TTC29: variants seen among roughly 807,000 people sequenced by gnomAD.
The protein encoded by TTC29 is tetratricopeptide repeat domain 29, also known as tetratricopeptide repeat protein 29.
In TTC29, 49 loss-of-function variants were observed where a neutral mutation model predicts 58.1. That is an observed-to-expected ratio of 0.84 (90% CI 0.67 to 1.07). The LOEUF is 1.07. TTC29 is among the 50% of genes least tolerant of loss of function. TTC29 has a pLI of 0.00. For synonymous variants in TTC29, 209 were observed against 196.8 expected (o/e 1.06, Z -0.52); for missense variants, 582 against 555.6 (o/e 1.05, Z -0.48).
chr4:146,757,833 C>A lies in TTC29; in HGVS notation c.1330+45624G>T, dbSNP rs377007075. On this transcript the variant is annotated intron_variant, in intron 11 of 12. Transcript: ENST00000325106. ...AAGAGCTCTAAATCTTGAAACAAAT[C>A]CTGGAAACACATCAAAATAAAACCT... is the stretch of plus-strand genomic sequence containing the variant. 5.3e-5 allele frequency among the ~76,000 whole-genome samples: 8 copies of A among 152,124 alleles called. No homozygotes were observed. The East Asian group carries it at 1.5e-3, about 29-fold the overall frequency.
At chr4:146,895,781 T>C (rs1732727567) in intron 6 of TTC29, among the ~76,000 whole-genome samples, 1 of 152,186 alleles carries the variant, frequency 6.6e-6, no homozygotes, top group South Asian at 2.1e-4. Flanking sequence ...AGAGAGGATA[T>C]AATTATCCCT....
At chr4:146,734,542 C>T (rs1190774534) in intron 11 of TTC29, among the ~76,000 whole-genome samples, 3 of 152,048 alleles carry the variant, frequency 2.0e-5, no homozygotes, top group Middle Eastern at 3.2e-3. Flanking sequence ...CCAGGACTTG[C>T]GACAGGTGTC....
intron 11 of TTC29, among the ~76,000 whole-genome samples, chr4:146,777,306 AG>A (rs1748179246): frequency 6.6e-6 from 1 of 152,160 alleles, no homozygotes; most frequent in Non-Finnish European, 1.5e-5. Context: ...AAGCACAAAG[AG>A]TTGTATTGCC....
In TTC29 at chr4:146,742,967, A is replaced by C. The variant is rs193134016; in HGVS notation, c.1331-35416T>G. On this transcript the variant is annotated intron_variant, in intron 11 of 12. Transcript: ENST00000325106. The stretch of plus-strand genomic sequence containing the variant: ...AACAGAAAACGCAATGGAAAGAAAA[A>C]TCCTCAGATAGGACTTTTTAAAGCA... Among the ~76,000 whole-genome samples, 265 of 152,220 alleles carry C rather than the reference A, an allele frequency of 1.7e-3. 1 individual carries two copies. Among genetic ancestry groups the C allele is most frequent in the African/African-American group, 6.1e-3 (253 of 41,544 alleles).
chr4:146,834,554 G>A (rs1728381166), intron 8 of TTC29, among the ~76,000 whole-genome samples: 1 of 152,006 alleles, frequency 6.6e-6, no homozygotes, highest in African/African-American at 2.4e-5. Context: ...TGGCCCGAAG[G>A]AGAAAAATAC....
At chr4:146,918,344 A>T (rs147577710) in intron 4 of TTC29, among the ~76,000 whole-genome samples, 25 of 151,274 alleles carry the variant, frequency 1.7e-4, no homozygotes, top group African/African-American at 5.1e-4. Flanking sequence ...TCACTAATAT[A>T]ACTCAACGAA....
Position 146,912,016 on chromosome 4 carries a change from C to T in TTC29, c.177-2767G>A, listed in dbSNP as rs1000618150. ...CAAAGTCCTAGAAGTCAGAGGTGTC[C>T]AGTCTTTTGGCTTCTCTGGGCCACA... On this transcript the variant is annotated intron_variant, in intron 4 of 12. Transcript: ENST00000325106. 5.3e-5 allele frequency among the ~76,000 whole-genome samples: 8 copies of T among 152,144 alleles called. 1 individual carries two copies. The highest frequency in any genetic ancestry group is 1.9e-4 in the African/African-American group (8 of 41,432).
intron 10 of TTC29, among the ~76,000 whole-genome samples, chr4:146,818,691 CCAA>C (rs1477030109): frequency 3.9e-5 from 6 of 152,118 alleles, no homozygotes; most frequent in Admixed American, 3.9e-4. Flanking sequence ...ACCCAAATGT[CCAA>C]CAATGATAGA....
rs538632688 is a variant in TTC29, at chr4:146,916,850, G to A, written c.177-7601C>T. ...AACAGCAAAACATGTAGCTGTCTAT[G>A]AGATCAGTTAACAAATATTCAACTG... On this transcript the variant is annotated intron_variant, in intron 4 of 12. Coordinates refer to ENST00000325106, the MANE Select transcript of TTC29 (RefSeq NM_031956.4). Among the ~76,000 whole-genome samples the A allele has an allele frequency of 2.0e-5, 3 of 151,510 alleles. No individual in the cohort carries two copies. In the East Asian group the frequency reaches 5.8e-4, roughly 29 times the overall value.
Position 146,803,446 on chromosome 4 carries a change from C to A in TTC29, c.1330+11G>T. On this transcript the variant is annotated intron_variant, in intron 11 of 12. Transcript: ENST00000325106. Reference sequence around the variant, plus strand: ...ATGAAAACTAAAGTGTTCTAAAAACCAATGCCTTACCAGTAACTGGATCAG... The same window carrying A: ...ATGAAAACTAAAGTGTTCTAAAAACAAATGCCTTACCAGTAACTGGATCAG... 1.9e-6 allele frequency: 3 copies of A among 1,540,486 alleles called. No individual in the cohort carries two copies. The highest frequency in any genetic ancestry group is 2.4e-5 in the South Asian group (2 of 82,210).
chr4:146,894,849 A>C (rs991914869), intron 6 of TTC29, among the ~76,000 whole-genome samples: 1 of 151,820 alleles, frequency 6.6e-6, no homozygotes, highest in Non-Finnish European at 1.5e-5. Flanking sequence ...TTTTCCCCCA[A>C]CTTTTAAGTT....
At chr4:146,820,073 T>C in intron 10 of TTC29, 52 bp downstream of exon 10, 1 of 1,600,648 alleles carries the variant, frequency 6.2e-7, no homozygotes, top group Middle Eastern at 1.7e-4. Flanking sequence ...AATGGGAAAT[T>C]TCTCCCTAAA....
In TTC29 at chr4:146,925,771, C is replaced by T. The variant is rs116797532; in HGVS notation, c.176+11823G>A. ...GGAAATCTGAATCATGATTGCAGAA[C>T]AACTGAGTTCTGGTAGAACTGAACC... On this transcript the variant is annotated intron_variant, in intron 4 of 12. Coordinates refer to ENST00000325106, the MANE Select transcript of TTC29 (RefSeq NM_031956.4). 9.8e-3 allele frequency among the ~76,000 whole-genome samples: 1,484 copies of T among 152,190 alleles called. 29 individuals carry two copies. The highest frequency in any genetic ancestry group is 0.033 in the African/African-American group (1,380 of 41,530).
intron 6 of TTC29, 25 bp downstream of exon 6, chr4:146,903,519 G>C (rs1424974093): frequency 6.3e-7 from 1 of 1,578,550 alleles, no homozygotes; most frequent in Non-Finnish European, 8.6e-7. Flanking sequence ...ACATACCCAA[G>C]GCATCCTGGC....
At chr4:146,740,724 A>C (rs1382646707) in intron 11 of TTC29, among the ~76,000 whole-genome samples, 47 of 152,106 alleles carry the variant, frequency 3.1e-4, no homozygotes, top group Admixed American at 3.1e-3. Context: ...AATTTTTTTA[A>C]AATTTTTTAG....
At chr4:146,841,435 C>G (rs1728843937) in intron 8 of TTC29, among the ~76,000 whole-genome samples, 1 of 151,960 alleles carries the variant, frequency 6.6e-6, no homozygotes, top group Non-Finnish European at 1.5e-5. Context: ...CCTTAACTAC[C>G]ACTATTTCTG....
intron 6 of TTC29, among the ~76,000 whole-genome samples, chr4:146,884,365 C>A (rs1174707082): frequency 6.6e-6 from 1 of 152,010 alleles, no homozygotes; most frequent in Non-Finnish European, 1.5e-5. Flanking sequence ...CATATAGTGG[C>A]AGTGGGAAGT....
At chr4:146,837,667 A>T (rs1728600123) in intron 8 of TTC29, among the ~76,000 whole-genome samples, 1 of 152,052 alleles carries the variant, frequency 6.6e-6, no homozygotes, top group African/African-American at 2.4e-5. Flanking sequence ...AAGAAAATAC[A>T]GTGTGGCAAT....
At chr4:146,912,680 G>A (rs980123799) in intron 4 of TTC29, among the ~76,000 whole-genome samples, 1 of 152,088 alleles carries the variant, frequency 6.6e-6, no homozygotes, top group African/African-American at 2.4e-5. Context: ...GCATTCTCGA[G>A]TCTGTGAGTC....
Sources: gnomAD v4.1 joint callset for allele counts (sites outside exome capture counted in the v4.1 genomes callset) on GRCh38, gnomAD v4.1.1 for gene constraint, MANE v1.5 for transcripts, NCBI Gene and HGNC (gene_info 2026-07-23, HGNC 2026-07-21) for gene names.